Variants in RHOBTB2 observed in about 807,000 individuals in gnomAD.
RHOBTB2 encodes Rho related BTB domain containing 2, also known as rho-related BTB domain-containing protein 2.
A neutral mutation model predicts 66.5 loss-of-function variants in RHOBTB2; 39 were observed. The ratio of observed to expected loss-of-function variants is 0.59; its 90% CI spans 0.45 to 0.77. The LOEUF is 0.77. RHOBTB2 is among the 30% of genes least tolerant of loss of function. The pLI is 0.00. For synonymous variants in RHOBTB2, 390 were observed against 395.0 expected, an observed-to-expected ratio of 0.99 and a Z score of 0.15; for missense variants, 755 against 999.1, an observed-to-expected ratio of 0.76 and a Z score of 3.29.
At chr8:23,013,470 C>T (rs1811204193) in intron 7 of RHOBTB2, among the ~76,000 whole-genome samples, 1 of 151,988 alleles carries the variant, frequency 6.6e-6, no homozygotes, top group Admixed American at 6.6e-5. Context: ...TTAAACACTA[C>T]AGCATGGTTT....
chr8:22,994,717 A>G (rs1349967194), upstream of RHOBTB2: 1 of 1,194,150 alleles, frequency 8.4e-7, no homozygotes, highest in Non-Finnish European at 1.2e-6. Flanking sequence ...GCAACTCCCA[A>G]ATTGTTTGTT....
the RHOBTB2 span, among the ~76,000 whole-genome samples, chr8:22,976,724 C>T: frequency 3.9e-5 from 6 of 152,044 alleles, no homozygotes; most frequent in African/African-American, 1.4e-4. Flanking sequence ...CTCCCTAGTT[C>T]AAGTGATTCT....
rs556687564 is a variant in RHOBTB2, at chr8:23,016,593, G to T, written c.1967-659G>T. Among the ~76,000 whole-genome samples, 27 of 152,004 alleles carry T rather than the reference G, an allele frequency of 1.8e-4. No homozygotes were observed. The South Asian group carries it at 5.4e-3, about 30-fold the overall frequency. On this transcript the variant is annotated intron_variant, in intron 9 of 9. Transcript: ENST00000251822. ...TGCCTGGCTAATTTTTTGTATTTTA[G>T]TAGAGACGGGGTTTCACCACGTTGC...
the RHOBTB2 span, among the ~76,000 whole-genome samples, chr8:22,950,965 T>C: frequency 1.3e-5 from 2 of 152,218 alleles, no homozygotes; most frequent in Non-Finnish European, 2.9e-5. Flanking sequence ...AGCTTACTTG[T>C]CTATGTCTGC....
At chr8:22,960,298 A>C in the RHOBTB2 span, among the ~76,000 whole-genome samples, 1 of 133,622 alleles carries the variant, frequency 7.5e-6, no homozygotes, top group Admixed American at 7.7e-5. Context: ...CTTATAGATG[A>C]GCCCTCCCCT....
the RHOBTB2 span, among the ~76,000 whole-genome samples, chr8:22,952,889 G>A: frequency 6.6e-6 from 1 of 152,070 alleles, no homozygotes; most frequent in Non-Finnish European, 1.5e-5. Context: ...TGGGCAACAA[G>A]AGTGAAACTC....
intron 7 of RHOBTB2, among the ~76,000 whole-genome samples, chr8:23,014,439 A>G (rs1454582141): frequency 2.0e-5 from 3 of 152,190 alleles, no homozygotes; most frequent in Non-Finnish European, 1.5e-5. Context: ...GGACATACGT[A>G]GTTTGAAAAA....
At chr8:23,003,538 G>A (rs1384287035) in intron 1 of RHOBTB2, among the ~76,000 whole-genome samples, 1 of 152,212 alleles carries the variant, frequency 6.6e-6, no homozygotes, top group Non-Finnish European at 1.5e-5. Context: ...GAATGGGAAG[G>A]GCAGAAGAGG....
chr8:22,963,218 G>A, the RHOBTB2 span, among the ~76,000 whole-genome samples: 1 of 152,168 alleles, frequency 6.6e-6, no homozygotes, highest in African/African-American at 2.4e-5. Context: ...AAGAAGAGGG[G>A]AAAGGGAGAC....
chr8:22,974,762 A>C, the RHOBTB2 span, among the ~76,000 whole-genome samples: 1 of 152,118 alleles, frequency 6.6e-6, no homozygotes, highest in African/African-American at 2.4e-5. Flanking sequence ...GGGGAGAGAA[A>C]GGGCTGCTGG....
intron 7 of RHOBTB2, among the ~76,000 whole-genome samples, chr8:23,011,073 C>T (rs959120115): frequency 2.0e-5 from 3 of 152,122 alleles, no homozygotes; most frequent in African/African-American, 7.2e-5. Context: ...GGCAAACTGC[C>T]ATGAAACCCG....
At chr8:23,009,581 C>T (rs1811075704) in intron 6 of RHOBTB2, among the ~76,000 whole-genome samples, 1 of 152,184 alleles carries the variant, frequency 6.6e-6, no homozygotes, top group African/African-American at 2.4e-5. Context: ...CTTTTTCCTT[C>T]TGCCAAAAAC....
At chr8:22,976,880 C>T in the RHOBTB2 span, among the ~76,000 whole-genome samples, 1 of 151,804 alleles carries the variant, frequency 6.6e-6, no homozygotes, top group African/African-American at 2.4e-5. Flanking sequence ...CCGGCCTCGG[C>T]CTCCCAAAGT....
At chr8:22,995,193 A>G (rs898627483), upstream of RHOBTB2, among the ~76,000 whole-genome samples, 4 of 152,110 alleles carry the variant, frequency 2.6e-5, no homozygotes, top group African/African-American at 9.7e-5. Flanking sequence ...TCGGCCTCCC[A>G]AAGTGTTGAG....
upstream of RHOBTB2, chr8:22,996,006 C>T: frequency 1.1e-6 from 1 of 885,742 alleles, no homozygotes; most frequent in African/African-American, 1.7e-5. Flanking sequence ...GCCTTCACAG[C>T]CACAGGGAGA....
rs1292984959 is a variant in RHOBTB2, at chr8:23,007,708, AC to A, written c.1465del (p.Arg489GlyfsTer14). The A allele has an allele frequency of 6.2e-7, 1 of 1,614,172 alleles. No individual in the cohort carries two copies. Among genetic ancestry groups the A allele is most frequent in the East Asian group, 2.2e-5 (1 of 44,882 alleles). On this transcript the variant is annotated frameshift_variant, in exon 5 of 10. Transcript: ENST00000251822. LOFTEE classifies it high-confidence loss of function. ...AAGGCCTTCCACGTCCGCCGGACCAACCGGGTTAAGGAGTGCTTGGCAAAAG... is the reference window on the plus strand; with the variant it reads ...AAGGCCTTCCACGTCCGCCGGACCAACGGGTTAAGGAGTGCTTGGCAAAAG... Reference protein sequence around the residue: ...ITKAFHVRRTNRVKECLAKGT... With the variant: ...ITKAFHVRRTXRVKECLAKGT...
rs1042927272 is a variant in RHOBTB2, at chr8:23,006,589, G to T, written c.483-139G>T. 2.4e-6 allele frequency: 2 copies of T among 819,262 alleles called. No homozygotes were observed. The highest frequency in any genetic ancestry group is 3.7e-4 in the Middle Eastern group (1 of 2,682). The allele number at this position is 819,262 out of a possible 1,614,324, so 50.7% of individuals were successfully genotyped here. A position where few individuals can be genotyped will look rare whatever the true frequency, so the allele number is the denominator to read the frequency against. Reference sequence around the variant, plus strand: ...AGTGGACCTTGAAGGAGCTTGATGGGATTTGGCCAGACAGAGCAGGGCAGG... The same window carrying T: ...AGTGGACCTTGAAGGAGCTTGATGGTATTTGGCCAGACAGAGCAGGGCAGG... On this transcript the variant is annotated intron_variant, in intron 4 of 9. Transcript: ENST00000251822. The surrounding 1 kb of genome is among the most constrained non-coding windows in gnomAD (Gnocchi z 6.1).
At chr8:23,012,266 T>C (rs983719129) in intron 7 of RHOBTB2, among the ~76,000 whole-genome samples, 2 of 152,216 alleles carry the variant, frequency 1.3e-5, no homozygotes, top group East Asian at 1.9e-4. Flanking sequence ...TGGCAGGCAA[T>C]TGAAAGCAAG....
intron 6 of RHOBTB2, among the ~76,000 whole-genome samples, chr8:23,008,344 T>C (rs1413332974): frequency 6.6e-6 from 1 of 152,140 alleles, no homozygotes; most frequent in Admixed American, 6.5e-5. Context: ...TTCTGTTCAT[T>C]ATCTCATTAA....
Sources: allele counts gnomAD v4.1 joint callset (sites outside exome capture counted in the v4.1 genomes callset), GRCh38; gene constraint gnomAD v4.1.1; non-coding constraint Gnocchi (gnomAD v3.1); transcripts MANE v1.5; gene names NCBI Gene and HGNC (gene_info 2026-07-23, HGNC 2026-07-21).